POLR3E: variants seen among roughly 807,000 people sequenced by gnomAD.
POLR3E encodes DNA-directed RNA polymerase III subunit RPC5.
POLR3E carries 41 observed loss-of-function variants against 96.6 expected under a neutral mutation model. The ratio of observed to expected loss-of-function variants is 0.42; its 90% CI spans 0.33 to 0.55. The LOEUF is 0.55. POLR3E is among the 20% of genes least tolerant of loss of function. POLR3E has a pLI of 0.06. For synonymous variants in POLR3E, 396 were observed against 383.6 expected, an observed-to-expected ratio of 1.03 and a Z score of -0.38; for missense variants, 849 against 952.1, an observed-to-expected ratio of 0.89 and a Z score of 1.43.
chr16:22,298,004 C>T (rs1201929805), intron 1 of POLR3E, among the ~76,000 whole-genome samples: 3 of 152,244 alleles, frequency 2.0e-5, no homozygotes, highest in East Asian at 3.8e-4. Flanking sequence ...CCTGCCGGAG[C>T]CCCCACTTCG....
intron 9 of POLR3E, 90 bp from the exon 10 acceptor site, chr16:22,316,511 A>G (rs1432123752): frequency 1.1e-5 from 10 of 938,676 alleles, no homozygotes; most frequent in Non-Finnish European, 1.5e-5. Flanking sequence ...GTGGCTGGCC[A>G]TGGAGTGGAA....
intron 6 of POLR3E, 65 bp downstream of exon 6, chr16:22,309,575 C>CT: frequency 1.8e-6 from 2 of 1,123,432 alleles, no homozygotes; most frequent in Non-Finnish European, 2.7e-6. Flanking sequence ...AGGGAGAGTA[C>CT]CTCCCCAGCC....
At chr16:22,330,087 G>GTCTTGC (rs537637606) in intron 19 of POLR3E, among the ~76,000 whole-genome samples, 5 of 149,882 alleles carry the variant, frequency 3.3e-5, no homozygotes, top group East Asian at 3.9e-4. Context: ...GATAGATAGC[G>GTCTTGC]TCTTGCTCTT....
chr16:22,333,487 G>C (rs530745594), intron 20 of POLR3E, among the ~76,000 whole-genome samples, 157 bp from the exon 21 acceptor site: 1 of 151,944 alleles, frequency 6.6e-6, no homozygotes, highest in South Asian at 2.1e-4. Context: ...TGAGGAAAGG[G>C]TGGCTGGTAG....
rs764500574 is a variant in POLR3E at position 22,325,192 on chromosome 16, CTCT to C, written c.1287-8_1287-6del. Reference sequence around the variant, plus strand: ...ACGTGGTTTAAAGTTAATGGGGTTACTCTTCTTTTCAGACTGGAAAAAGTCTAT... The same window carrying C: ...ACGTGGTTTAAAGTTAATGGGGTTACTCTTTTCAGACTGGAAAAAGTCTAT... On this transcript the variant is annotated splice_polypyrimidine_tract_variant and intron_variant, in intron 16 of 20. Transcript: ENST00000299853. 84 of 1,606,202 alleles carry C rather than the reference CTCT, an allele frequency of 5.2e-5. No individual in the cohort carries two copies. Among genetic ancestry groups the C allele is most frequent in the Non-Finnish European group, 6.8e-5 (80 of 1,172,978 alleles).
chr16:22,314,059 G>A lies in POLR3E; in HGVS notation c.473-20G>A. The A allele has an allele frequency of 6.2e-7, 1 of 1,611,916 alleles. No individual in the cohort carries two copies. The highest frequency in any genetic ancestry group is 1.1e-5 in the South Asian group (1 of 91,030). On this transcript the variant is annotated intron_variant, in intron 7 of 20. Coordinates refer to ENST00000299853, the MANE Select transcript of POLR3E (RefSeq NM_018119.4). ...TGGAGGCTCCCCAGGACTGCAGTCA[G>A]TGGCTTGTCTCTCTTGCAGCAGGGG...
chr16:22,333,592 A>G (rs375712665), intron 20 of POLR3E, 52 bp from the exon 21 acceptor site: 1 of 1,213,810 alleles, frequency 8.2e-7, no homozygotes, highest in Non-Finnish European at 1.2e-6. Flanking sequence ...ACAGAATGTA[A>G]TTAGCTCCTT....
chr16:22,325,454 A>G, intron 17 of POLR3E, 188 bp downstream of exon 17: 1 of 633,952 alleles, frequency 1.6e-6, no homozygotes, highest in Non-Finnish European at 2.8e-6. Context: ...GCAGAGCCTC[A>G]GGGACGGAGG....
Position 22,306,475 on chromosome 16 carries a change from G to A in POLR3E, c.87+1269G>A, listed in dbSNP as rs373671736. ...TCACTATGTTGGCCAGCCTGGTCTCGAACTCCTGACCTTGTGATCTGCCTG... is the reference window on the plus strand; with the variant it reads ...TCACTATGTTGGCCAGCCTGGTCTCAAACTCCTGACCTTGTGATCTGCCTG... On this transcript the variant is annotated intron_variant, in intron 3 of 20. Coordinates refer to ENST00000299853, the MANE Select transcript of POLR3E (RefSeq NM_018119.4). Among the ~76,000 whole-genome samples the A allele has an allele frequency of 1.6e-4, 24 of 152,232 alleles. No homozygotes were observed. In the East Asian group the frequency reaches 2.7e-3, roughly 17 times the overall value.
chr16:22,328,223 G>A (rs945906575), intron 18 of POLR3E: 4 of 418,836 alleles, frequency 9.6e-6, no homozygotes, highest in Admixed American at 3.7e-5. Flanking sequence ...CCCACTGTAC[G>A]GAGGATATCT....
chr16:22,317,803 C>T (rs746453140), intron 12 of POLR3E, among the ~76,000 whole-genome samples: 11 of 151,830 alleles, frequency 7.2e-5, no homozygotes, highest in Admixed American at 2.0e-4. Flanking sequence ...TTCACTGCAC[C>T]GGCTCAACTA....
rs2048491066 is a variant in POLR3E, at chr16:22,322,564, G to C, written c.987-286G>C. On this transcript the variant is annotated intron_variant, in intron 13 of 20. Coordinates refer to ENST00000299853, the MANE Select transcript of POLR3E (RefSeq NM_018119.4). The surrounding 1 kb of genome is among the most constrained non-coding windows in gnomAD (Gnocchi z 5.2). ...GCTGTTCCTCACCTTGTCTGTCTCT[G>C]AGCCCGTGACCTCTCCCTGAATGTG... 6.6e-6 allele frequency among the ~76,000 whole-genome samples: 1 copy of C among 152,108 alleles called. No homozygotes were observed. The highest frequency in any genetic ancestry group is 1.5e-5 in the Non-Finnish European group (1 of 68,028).
chr16:22,308,174 C>T lies in POLR3E; in HGVS notation c.114C>T (p.Thr38=), dbSNP rs755494880. The T allele has an allele frequency of 6.2e-7, 1 of 1,613,710 alleles. No homozygotes were observed. Among genetic ancestry groups the T allele is most frequent in the Non-Finnish European group, 8.5e-7 (1 of 1,179,712 alleles). ...ACCCTGTGCGTCCAGCCTCGATGAC[C>T]TACGATGACATTCCGCACCTCTCAG... ...FQYPVRPASM[T]YDDIPHLSAK... Residue 38 remains threonine (T), a synonymous_variant, in exon 4 of 21, where the codon ACC becomes ACT. Transcript: ENST00000299853.
intron 3 of POLR3E, 107 bp from the exon 4 acceptor site, chr16:22,308,041 A>C (rs2048170693): frequency 1.3e-6 from 1 of 778,044 alleles, no homozygotes; most frequent in African/African-American, 1.7e-5. Flanking sequence ...GGGTAAGGCC[A>C]GTCTCTGCTT....
intron 8 of POLR3E, 67 bp from the exon 9 acceptor site, chr16:22,315,022 G>T: frequency 6.4e-7 from 1 of 1,566,264 alleles, no homozygotes; most frequent in Non-Finnish European, 8.7e-7. Flanking sequence ...TTCTGGCAGG[G>T]GCTGAGACGG....
At chr16:22,329,415 T>C (rs1337163740) in intron 19 of POLR3E, among the ~76,000 whole-genome samples, 1 of 152,182 alleles carries the variant, frequency 6.6e-6, no homozygotes, top group African/African-American at 2.4e-5. Context: ...TCATGGACCC[T>C]GCATCCCAGC....
In POLR3E at chr16:22,334,669, T is replaced by TAA. The variant is rs2048813690; in HGVS notation, c.*972_*973dup. ...AAATATCTAAAACATCAACATAAGG[T>TAA]AAAAGTCTTCAAAATCTGGCATTTT... On this transcript the variant is annotated 3_prime_UTR_variant, in exon 21 of 21. Transcript: ENST00000299853. The TAA allele has an allele frequency of 6.6e-6, 1 of 152,292 alleles. No individual in the cohort carries two copies. The highest frequency in any genetic ancestry group is 1.9e-4 in the East Asian group (1 of 5,190). The allele number at this position is 152,292 out of a possible 1,614,324, so 9.4% of individuals were successfully genotyped here. A position where few individuals can be genotyped will look rare whatever the true frequency, so the allele number is the denominator to read the frequency against.
intron 20 of POLR3E, among the ~76,000 whole-genome samples, chr16:22,333,366 C>T (rs1002827782): frequency 1.1e-4 from 17 of 150,788 alleles, no homozygotes; most frequent in African/African-American, 2.2e-4. Flanking sequence ...GCAGGAGAAT[C>T]GCTTGAACCT....
chr16:22,304,775 G>A (rs1010810483), intron 2 of POLR3E, among the ~76,000 whole-genome samples: 1 of 152,178 alleles, frequency 6.6e-6, no homozygotes, highest in African/African-American at 2.4e-5. Context: ...GGCAGGTGGA[G>A]GGCCCAGCCA....
Sources: gnomAD v4.1 joint callset for allele counts (sites outside exome capture counted in the v4.1 genomes callset) on GRCh38, gnomAD v4.1.1 for gene constraint, Gnocchi (gnomAD v3.1) non-coding constraint, MANE v1.5 for transcripts, NCBI Gene and HGNC (gene_info 2026-07-23, HGNC 2026-07-21) for gene names.